Variants in CNTN6 observed in about 807,000 individuals in gnomAD.
The protein encoded by CNTN6 is contactin 6.
In CNTN6, 137 loss-of-function variants were observed where a neutral mutation model predicts 122.8. The ratio of observed to expected loss-of-function variants is 1.12; its 90% CI spans 0.97 to 1.29. The LOEUF (loss-of-function observed/expected upper bound fraction) is 1.29. CNTN6 is among the 50% of genes most tolerant of loss of function. The pLI, the probability that CNTN6 is intolerant of heterozygous loss-of-function variation, is 0.00. For missense variants in CNTN6, 1,634 were observed against 1,223.4 expected, an observed-to-expected ratio of 1.34 and a Z score of -5.01; for synonymous variants, 570 against 426.0, an observed-to-expected ratio of 1.34 and a Z score of -4.16.
chr3:1,120,242 G>T (rs995296357), intron 1 of CNTN6, among the ~76,000 whole-genome samples: 1 of 151,838 alleles, frequency 6.6e-6, no homozygotes, highest in South Asian at 2.1e-4. Context: ...CTTTAGAGAG[G>T]AATTGATGGG....
chr3:1,194,577 C>A (rs190506406), intron 2 of CNTN6, among the ~76,000 whole-genome samples: 1 of 151,952 alleles, frequency 6.6e-6, no homozygotes, highest in East Asian at 1.9e-4. Context: ...TCTAGGATTC[C>A]CTGTTCTCAA....
intron 4 of CNTN6, among the ~76,000 whole-genome samples, chr3:1,246,168 C>T (rs1028040732): frequency 6.6e-6 from 1 of 152,138 alleles, no homozygotes; most frequent in African/African-American, 2.4e-5. Context: ...CCAACACCCC[C>T]AGAAGGTCCG....
chr3:1,295,521 A>T (rs1441409706), intron 5 of CNTN6, 80 bp from the exon 6 acceptor site: 9 of 1,259,322 alleles, frequency 7.1e-6, no homozygotes, highest in Non-Finnish European at 9.0e-6. Flanking sequence ...GGGAAGTAAG[A>T]CAAAGAATTT....
chr3:1,185,294 C>T (rs146164522), intron 2 of CNTN6, among the ~76,000 whole-genome samples: 1,813 of 152,146 alleles, frequency 0.012, 105 homozygotes, highest in Admixed American at 0.086. Flanking sequence ...GGTTTTTACA[C>T]TTAGAGATTC....
intron 20 of CNTN6, among the ~76,000 whole-genome samples, chr3:1,395,887 G>C (rs951522421): frequency 2.6e-5 from 4 of 152,098 alleles, no homozygotes; most frequent in African/African-American, 9.7e-5. Flanking sequence ...GGACACAAAT[G>C]CTTAGAAAGG....
chr3:1,302,648 G>T (rs1369030105), intron 7 of CNTN6, among the ~76,000 whole-genome samples: 3 of 152,050 alleles, frequency 2.0e-5, no homozygotes, highest in Non-Finnish European at 2.9e-5. Context: ...TTAAATGTTT[G>T]TTTAATGTAC....
chr3:1,308,964 C>G (rs112313169), intron 7 of CNTN6, among the ~76,000 whole-genome samples: 1,820 of 152,206 alleles, frequency 0.012, 20 homozygotes, highest in South Asian at 0.051. Context: ...ATCTTTTCTA[C>G]ATTTTTAATT....
intron 12 of CNTN6, among the ~76,000 whole-genome samples, chr3:1,371,107 A>G (rs1163333983): frequency 6.6e-6 from 1 of 152,152 alleles, no homozygotes; most frequent in Non-Finnish European, 1.5e-5. Context: ...AAAAATGTTT[A>G]AATGGTCAAA....
intron 2 of CNTN6, among the ~76,000 whole-genome samples, chr3:1,148,477 G>T (rs2092771008): frequency 6.6e-6 from 1 of 151,730 alleles, no homozygotes; most frequent in Non-Finnish European, 1.5e-5. Context: ...CTCATGTTTA[G>T]AAATTGATAT....
At chr3:1,356,687 G>A (rs902454024) in intron 12 of CNTN6, among the ~76,000 whole-genome samples, 3 of 151,788 alleles carry the variant, frequency 2.0e-5, no homozygotes, top group Non-Finnish European at 2.9e-5. Flanking sequence ...GTCTCCAGCA[G>A]CACTAAAATC....
chr3:1,316,490 A>G (rs1052036724), intron 7 of CNTN6, among the ~76,000 whole-genome samples: 30 of 151,878 alleles, frequency 2.0e-4, no homozygotes, highest in African/African-American at 7.0e-4. Flanking sequence ...CACCACGGAG[A>G]TAGTGCTAAA....
chr3:1,197,691 T>C (rs2093797912), intron 2 of CNTN6, among the ~76,000 whole-genome samples: 1 of 152,172 alleles, frequency 6.6e-6, no homozygotes, highest in Admixed American at 6.5e-5. Context: ...GTTTACCAGC[T>C]GTGTGAACTT....
chr3:1,315,569 C>A (rs992849858), intron 7 of CNTN6, among the ~76,000 whole-genome samples: 1 of 151,982 alleles, frequency 6.6e-6, no homozygotes, highest in Non-Finnish European at 1.5e-5. Context: ...CCATCTGTCA[C>A]AATGCCTGGT....
intron 19 of CNTN6, among the ~76,000 whole-genome samples, chr3:1,384,717 C>G (rs577408808): frequency 8.1e-6 from 1 of 123,880 alleles, no homozygotes; most frequent in East Asian, 2.1e-4. Context: ...CATATACATA[C>G]TATATATACA....
In CNTN6 at chr3:1,329,811, C is replaced by T. The variant is rs770951560; in HGVS notation, c.1240C>T (p.Pro414Ser). ...LASAPDFSKS[P>S]VKKKSFVQVG... ...CTCAGCTCCAGATTTCTCCAAAAGT[C>T]CAGTTAAAAAAAAGTCTTTTGTTCA... The change falls in exon 11 of 23, where the codon CCA becomes TCA. Residue 414 changes from proline (P) to serine (S), a missense_variant. Pro to Ser is a moderately conservative substitution (Grantham distance 74). Coordinates refer to ENST00000446702, the MANE Select transcript of CNTN6 (RefSeq NM_001289080.2). The T allele has an allele frequency of 3.7e-5, 60 of 1,604,940 alleles. No individual in the cohort carries two copies. Among genetic ancestry groups the T allele is most frequent in the Non-Finnish European group, 5.1e-5 (60 of 1,176,614 alleles).
chr3:1,363,372 G>A (rs1707758138), intron 12 of CNTN6, among the ~76,000 whole-genome samples: 1 of 151,782 alleles, frequency 6.6e-6, no homozygotes, highest in South Asian at 2.1e-4. Context: ...AGACTTATTT[G>A]TTCTACATAA....
intron 17 of CNTN6, 117 bp from the exon 18 acceptor site, chr3:1,382,821 TAAAC>T: frequency 1.4e-6 from 1 of 697,330 alleles, no homozygotes; most frequent in Non-Finnish European, 2.4e-6. Context: ...AATACATCAT[TAAAC>T]AGAATAAATA....
chr3:1,233,178 C>T (rs2094374675), intron 4 of CNTN6, among the ~76,000 whole-genome samples: 1 of 152,186 alleles, frequency 6.6e-6, no homozygotes, highest in Non-Finnish European at 1.5e-5. Context: ...ATATTCCACA[C>T]TCAGTATGAC....
intron 19 of CNTN6, among the ~76,000 whole-genome samples, chr3:1,383,887 A>G (rs115246510): frequency 5.3e-5 from 8 of 152,260 alleles, no homozygotes; most frequent in African/African-American, 1.9e-4. Context: ...ATAGAAAGGG[A>G]TGGTAACTTC....
Sources: gnomAD v4.1 joint callset for allele counts (sites outside exome capture counted in the v4.1 genomes callset) on GRCh38, gnomAD v4.1.1 for gene constraint, MANE v1.5 for transcripts, NCBI Gene and HGNC (gene_info 2026-07-23, HGNC 2026-07-21) for gene names.